USP9X: variants seen among roughly 807,000 people sequenced by gnomAD.
USP9X encodes ubiquitin specific peptidase 9 X-linked.
In USP9X, 7 loss-of-function variants were observed where a neutral mutation model predicts 190.3. That is an observed-to-expected ratio of 0.04 (90% CI 0.02 to 0.07). USP9X has a LOEUF of 0.07. Among genes scored for constraint, USP9X ranks in the 10% least tolerant of loss-of-function variants. The probability of loss-of-function intolerance (pLI) is 1.00; values close to 1 mark genes in which losing one functional copy is unlikely to be tolerated. For synonymous variants in USP9X, 645 were observed against 659.5 expected (o/e 0.98, Z 0.34); for missense variants, 1,010 against 1,916.9 (o/e 0.53, Z 8.83).
At chrX:41,128,912 C>A in intron 2 of USP9X, 88 bp from the exon 3 acceptor site, 1 of 1,021,726 alleles carries the variant, frequency 9.8e-7, no homozygotes, top group Non-Finnish European at 1.3e-6. Flanking sequence ...ATTTTTAAAT[C>A]TGCAATGCTT....
At chrX:41,146,787 A>G (rs113984695) in intron 11 of USP9X, among the ~76,000 whole-genome samples, 101 of 101,008 alleles carry the variant, frequency 1.0e-3, no homozygotes, top group African/African-American at 3.6e-3. Flanking sequence ...TGTCAGTTCA[A>G]GAGTTACAAA....
chrX:41,236,357 T>C lies in USP9X; in HGVS notation c.*3833T>C, dbSNP rs1053772896. On this transcript the variant is annotated 3_prime_UTR_variant, in exon 45 of 45. Transcript: ENST00000378308. ...TGACGTTTGCAGAAATTTAGCACTTTCCCTCCAAATTTATAGGTGTAAGAG... is the reference window on the plus strand; with the variant it reads ...TGACGTTTGCAGAAATTTAGCACTTCCCCTCCAAATTTATAGGTGTAAGAG... 8.9e-6 allele frequency: 1 copy of C among 111,887 alleles called. No individual in the cohort carries two copies. Among genetic ancestry groups the C allele is most frequent in the African/African-American group, 3.3e-5 (1 of 30,703 alleles). The allele number at this position is 111,887 out of a possible 1,213,427, so 9.2% of individuals were successfully genotyped here.
intron 32 of USP9X, among the ~76,000 whole-genome samples, chrX:41,206,423 A>G (rs931466189): frequency 1.8e-5 from 2 of 112,100 alleles, no homozygotes; most frequent in Non-Finnish European, 3.8e-5. Flanking sequence ...ATTTACCACA[A>G]ATGGTTGGTA....
At chrX:41,194,371 A>G (rs752574148) in intron 26 of USP9X, among the ~76,000 whole-genome samples, 1 of 111,388 alleles carries the variant, frequency 9.0e-6, no homozygotes, top group South Asian at 3.8e-4. Context: ...CCTGACCAAC[A>G]TGGAAAAACG....
chrX:41,195,254 C>T (rs761474528), intron 26 of USP9X, among the ~76,000 whole-genome samples: 1 of 110,827 alleles, frequency 9.0e-6, no homozygotes, highest in South Asian at 3.9e-4. Context: ...CTAGGATGGT[C>T]TTGACCTCTT....
intron 14 of USP9X, among the ~76,000 whole-genome samples, chrX:41,158,469 A>G (rs2147094789): frequency 9.0e-6 from 1 of 111,242 alleles, no homozygotes; most frequent in Non-Finnish European, 1.9e-5. Context: ...GACAACCAAG[A>G]ATTTTACATT....
At chrX:41,195,046 C>CTTTTTTTTTTTTTTTTT (rs931341447) in intron 26 of USP9X, among the ~76,000 whole-genome samples, 9 of 104,705 alleles carry the variant, frequency 8.6e-5, no homozygotes, top group South Asian at 4.3e-4. Flanking sequence ...TTTTTTCTTT[C>CTTTTTTTTTTTTTTTTT]TTTTTTTTGG....
chrX:41,174,358 C>T (rs1248433887), intron 21 of USP9X, among the ~76,000 whole-genome samples: 2 of 111,474 alleles, frequency 1.8e-5, no homozygotes, highest in Non-Finnish European at 3.8e-5. Flanking sequence ...TGCACCCCCA[C>T]CCCCCATGGA....
intron 1 of USP9X, among the ~76,000 whole-genome samples, chrX:41,093,212 C>T (rs1284071743): frequency 8.9e-6 from 1 of 111,842 alleles, no homozygotes; most frequent in Non-Finnish European, 1.9e-5. Context: ...ACCTCCTTTC[C>T]TTAAGTCAGG....
At chrX:41,155,659 T>C (rs1215165961) in intron 14 of USP9X, among the ~76,000 whole-genome samples, 12 of 110,206 alleles carry the variant, frequency 1.1e-4, no homozygotes, top group Non-Finnish European at 1.5e-4. Context: ...AACAGTGCTA[T>C]GTTAGGGTGC....
intron 1 of USP9X, among the ~76,000 whole-genome samples, chrX:41,101,435 A>G (rs1410402352): frequency 1.8e-5 from 2 of 110,223 alleles, no homozygotes; most frequent in Non-Finnish European, 3.8e-5. Context: ...AAAAAAAAAA[A>G]AATTAGCCGG....
intron 13 of USP9X, 78 bp from the exon 14 acceptor site, chrX:41,152,870 A>G: frequency 9.7e-7 from 1 of 1,032,412 alleles, no homozygotes; most frequent in East Asian, 3.3e-5. Flanking sequence ...AGTAGCTAAG[A>G]ATTTAGATAG....
intron 1 of USP9X, among the ~76,000 whole-genome samples, chrX:41,106,259 T>G (rs1241383998): frequency 9.0e-6 from 1 of 111,610 alleles, no homozygotes; most frequent in Admixed American, 9.5e-5. Flanking sequence ...GTTCTATAGT[T>G]TTTTTATCTT....
At chrX:41,229,016 G>C (rs1234962845) in intron 41 of USP9X, 1 of 237,373 alleles carries the variant, frequency 4.2e-6, no homozygotes, top group African/African-American at 2.9e-5. Context: ...AGGCAGGAGA[G>C]AGGCGTGAAC....
chrX:41,181,535 G>A (rs774547726), intron 21 of USP9X, among the ~76,000 whole-genome samples: 12 of 99,799 alleles, frequency 1.2e-4, no homozygotes, highest in African/African-American at 4.5e-4. Context: ...TGCAGCCTGT[G>A]CCTTCTGGGT....
intron 5 of USP9X, among the ~76,000 whole-genome samples, chrX:41,136,367 G>A (rs1350018433): frequency 2.7e-5 from 3 of 111,396 alleles, no homozygotes; most frequent in African/African-American, 9.8e-5. Context: ...CACCCTGTTG[G>A]CCAGGCTGAT....
intron 32 of USP9X, 26 bp from the exon 33 acceptor site, chrX:41,210,483 C>G: frequency 8.3e-7 from 1 of 1,197,862 alleles, no homozygotes; most frequent in Non-Finnish European, 1.1e-6. Flanking sequence ...TTACATGTTA[C>G]ATGTTTTATT....
Position 41,196,366 on chromosome X carries a change from C to CTT in USP9X, c.4086+11_4086+12dup. On this transcript the variant is annotated splice_region_variant and intron_variant, in intron 27 of 44. Coordinates refer to ENST00000378308, the MANE Select transcript of USP9X (RefSeq NM_001039591.3). ...ACTCTTTACTGTTTTGGGGGTGAGA[C>CTT]TTTTTAAAATATGCTTATCAATGTG... 2 of 1,199,685 alleles carry CTT rather than the reference C, an allele frequency of 1.7e-6. No homozygotes were observed. The highest frequency in any genetic ancestry group is 2.3e-6 in the Non-Finnish European group (2 of 887,706).
intron 32 of USP9X, among the ~76,000 whole-genome samples, chrX:41,208,839 C>T (rs1319522222): frequency 1.8e-5 from 2 of 110,290 alleles, no homozygotes; most frequent in African/African-American, 6.6e-5. Context: ...TCCCGAGTAG[C>T]TGGGACTACA....
Sources: gnomAD v4.1 joint callset for allele counts (sites outside exome capture counted in the v4.1 genomes callset) on GRCh38, gnomAD v4.1.1 for gene constraint, MANE v1.5 for transcripts, NCBI Gene and HGNC (gene_info 2026-07-23, HGNC 2026-07-21) for gene names.